The following MYO9A variants were observed in gnomAD, a reference collection of about 807,000 sequenced individuals.
The protein encoded by MYO9A is unconventional myosin-IXa.
Under a neutral mutation model 293.3 loss-of-function variants are expected in MYO9A, and 103 were observed. The observed-to-expected ratio is 0.35, with a 90% CI of 0.30 to 0.41. The LOEUF (loss-of-function observed/expected upper bound fraction) is 0.41. Among genes scored for constraint, MYO9A ranks in the 10% least tolerant of loss-of-function variants. The pLI is 1.00. For missense variants in MYO9A, 2,685 were observed against 3,033.0 expected, an observed-to-expected ratio of 0.89 and a Z score of 2.69; for synonymous variants, 1,001 against 1,035.7, an observed-to-expected ratio of 0.97 and a Z score of 0.64.
intron 11 of MYO9A, among the ~76,000 whole-genome samples, chr15:71,984,555 A>G (rs1459965786): frequency 6.6e-6 from 1 of 152,140 alleles, no homozygotes; most frequent in Non-Finnish European, 1.5e-5. Flanking sequence ...TCTCTCATAC[A>G]CATCTTTCCA....
intron 4 of MYO9A, among the ~76,000 whole-genome samples, chr15:72,021,508 T>C (rs1008562038): frequency 6.6e-6 from 1 of 152,190 alleles, no homozygotes; most frequent in Admixed American, 6.5e-5. Flanking sequence ...AGTTTGAGCT[T>C]GTTCAAAGCC....
intron 15 of MYO9A, among the ~76,000 whole-genome samples, chr15:71,941,869 A>G (rs183918359): frequency 1.3e-5 from 2 of 152,254 alleles, no homozygotes; most frequent in Admixed American, 1.3e-4. Flanking sequence ...AAAATGCCAA[A>G]AATTTGATAG....
Position 71,826,525 on chromosome 15 carries a change from A to G in MYO9A, c.*55T>C, listed in dbSNP as rs566330787. 1.1e-5 allele frequency: 17 copies of G among 1,494,150 alleles called. No homozygotes were observed. Among genetic ancestry groups the G allele is most frequent in the South Asian group, 9.4e-5 (7 of 74,336 alleles). 92.6% of individuals were successfully genotyped at this position (1,494,150 alleles called of 1,614,324 possible). On this transcript the variant is annotated 3_prime_UTR_variant, in exon 42 of 42. Coordinates refer to ENST00000356056, the MANE Select transcript of MYO9A (RefSeq NM_006901.4). The stretch of plus-strand genomic sequence containing the variant: ...GGACGAGGTGATGAAACGCAGCCCC[A>G]AAGGTGAGATTTGTTTACCACTCTG...
chr15:72,084,520 T>C (rs1028824073), intron 1 of MYO9A, among the ~76,000 whole-genome samples: 1 of 152,184 alleles, frequency 6.6e-6, no homozygotes, highest in Non-Finnish European at 1.5e-5. Context: ...CATCATGATG[T>C]TACCTGGTTG....
intron 1 of MYO9A, among the ~76,000 whole-genome samples, chr15:72,082,468 G>C (rs1238834931): frequency 6.6e-6 from 1 of 152,002 alleles, no homozygotes; most frequent in Non-Finnish European, 1.5e-5. Context: ...CATCTGCCAA[G>C]GACATGGACA....
intron 26 of MYO9A, chr15:71,891,483 G>C (rs940817302): frequency 1.3e-5 from 2 of 152,126 alleles, no homozygotes; most frequent in East Asian, 3.8e-4. Context: ...GACAAAGCAG[G>C]ACTTTTCATC....
intron 18 of MYO9A, among the ~76,000 whole-genome samples, chr15:71,929,073 TAA>T (rs71133934): frequency 4.1e-4 from 57 of 139,602 alleles, no homozygotes; most frequent in South Asian, 4.6e-4. Context: ...CTGTCTCTAT[TAA>T]AAAAAAAAAA....
At chr15:72,101,425 G>A (rs1252811347) in intron 1 of MYO9A, among the ~76,000 whole-genome samples, 1 of 139,280 alleles carries the variant, frequency 7.2e-6, no homozygotes, top group Admixed American at 6.9e-5. Context: ...GAAGTGAGGA[G>A]CCCCTCTGCC....
chr15:71,938,731 A>G (rs1596241611), intron 16 of MYO9A, 121 bp downstream of exon 16: 10 of 804,494 alleles, frequency 1.2e-5, no homozygotes, highest in East Asian at 1.1e-4. Flanking sequence ...TAAAGGATTC[A>G]AGAAATAAAA....
intron 13 of MYO9A, 56 bp downstream of exon 13, chr15:71,967,928 G>A: frequency 6.7e-7 from 1 of 1,495,550 alleles, no homozygotes; most frequent in South Asian, 1.4e-5. Flanking sequence ...GTGTGCTGGG[G>A]ACAGTTAAGA....
chr15:71,824,027 G>A lies in MYO9A; in HGVS notation c.*2553C>T, dbSNP rs1217256550. 6.6e-6 allele frequency: 1 copy of A among 152,178 alleles called. No homozygotes were observed. The highest frequency in any genetic ancestry group is 2.1e-4 in the South Asian group (1 of 4,830). 9.4% of individuals were successfully genotyped at this position (152,178 alleles called of 1,614,324 possible). A position where few individuals can be genotyped will look rare whatever the true frequency, so the allele number is the denominator to read the frequency against. On this transcript the variant is annotated 3_prime_UTR_variant, in exon 42 of 42. Coordinates refer to ENST00000356056, the MANE Select transcript of MYO9A (RefSeq NM_006901.4). ...TTTAAGAGTTATGGCTTCATCTCTTGATCAGGCCAACAAGGCCTACTACCC... is the reference window on the plus strand; with the variant it reads ...TTTAAGAGTTATGGCTTCATCTCTTAATCAGGCCAACAAGGCCTACTACCC...
At chr15:71,848,598 C>A (rs1002299853) in intron 39 of MYO9A, among the ~76,000 whole-genome samples, 1 of 152,162 alleles carries the variant, frequency 6.6e-6, no homozygotes, top group African/African-American at 2.4e-5. Context: ...ATTATTAAGA[C>A]ACCAACATTT....
intron 19 of MYO9A, among the ~76,000 whole-genome samples, chr15:71,906,011 G>C (rs553621359): frequency 6.6e-6 from 1 of 151,580 alleles, no homozygotes; most frequent in Non-Finnish European, 1.5e-5. Flanking sequence ...ATTAACCTTG[G>C]AGCACTGCTT....
rs544962734 is a variant in MYO9A, at chr15:72,030,318, G to T, written c.935+2176C>A. ...AGAAACTGATGCTGAAAGATATTAAGATCACACAGCTAGTAAAAAGCATAA... is the reference window on the plus strand; with the variant it reads ...AGAAACTGATGCTGAAAGATATTAATATCACACAGCTAGTAAAAAGCATAA... On this transcript the variant is annotated intron_variant, in intron 3 of 41. Transcript: ENST00000356056. Among the ~76,000 whole-genome samples, 22 of 152,188 alleles carry T rather than the reference G, an allele frequency of 1.4e-4. No homozygotes were observed. In the East Asian group the frequency reaches 4.1e-3, roughly 28 times the overall value.
chr15:71,991,766 A>G (rs2076547914), intron 10 of MYO9A, among the ~76,000 whole-genome samples: 1 of 152,100 alleles, frequency 6.6e-6, no homozygotes, highest in Non-Finnish European at 1.5e-5. Flanking sequence ...TTTCTTTTTT[A>G]TTTTTGAGAC....
chr15:71,940,307 C>T (rs2058742095), intron 15 of MYO9A, among the ~76,000 whole-genome samples: 1 of 152,142 alleles, frequency 6.6e-6, no homozygotes, highest in African/African-American at 2.4e-5. Context: ...CAAGCCTGGG[C>T]AACATGCTGA....
chr15:71,988,452 T>C (rs2076458110), intron 11 of MYO9A, among the ~76,000 whole-genome samples: 1 of 152,230 alleles, frequency 6.6e-6, no homozygotes, highest in African/African-American at 2.4e-5. Context: ...GCTAATATTA[T>C]AACAAATAAT....
At chr15:72,010,103 A>G (rs1315185401) in intron 7 of MYO9A, among the ~76,000 whole-genome samples, 1 of 152,220 alleles carries the variant, frequency 6.6e-6, no homozygotes, top group African/African-American at 2.4e-5. Context: ...CAGGGGCACC[A>G]TAAATTCCTG....
chr15:72,105,276 C>T (rs1430903881), intron 1 of MYO9A, among the ~76,000 whole-genome samples: 1 of 151,866 alleles, frequency 6.6e-6, no homozygotes, highest in Non-Finnish European at 1.5e-5. Context: ...GGACTACTAC[C>T]GTGGCATGAT....
Sources: allele counts gnomAD v4.1 joint callset (sites outside exome capture counted in the v4.1 genomes callset), GRCh38; gene constraint gnomAD v4.1.1; transcripts MANE v1.5; gene names NCBI Gene and HGNC (gene_info 2026-07-23, HGNC 2026-07-21).